Variants in PCDH9 observed in about 807,000 individuals in gnomAD.
PCDH9 encodes the protein protocadherin-9.
PCDH9 carries 24 observed loss-of-function variants against 70.6 expected under a neutral mutation model. The ratio of observed to expected loss-of-function variants is 0.34; its 90% CI spans 0.25 to 0.48. The LOEUF is 0.48. PCDH9 is among the 20% of genes least tolerant of loss of function. The pLI, the probability that PCDH9 is intolerant of heterozygous loss-of-function variation, is 0.99. For synonymous variants in PCDH9, 562 were observed against 558.5 expected, an observed-to-expected ratio of 1.01 and a Z score of -0.09; for missense variants, 1,281 against 1,503.6, an observed-to-expected ratio of 0.85 and a Z score of 2.45.
intron 2 of PCDH9, among the ~76,000 whole-genome samples, chr13:67,175,310 C>T (rs1002177301): frequency 6.6e-6 from 1 of 152,110 alleles, no homozygotes; most frequent in Non-Finnish European, 1.5e-5. Flanking sequence ...AAACTTACTT[C>T]GTTTCTACCC....
At chr13:66,467,355 G>A (rs1389056331) in intron 4 of PCDH9, among the ~76,000 whole-genome samples, 1 of 151,962 alleles carries the variant, frequency 6.6e-6, no homozygotes, top group Non-Finnish European at 1.5e-5. Flanking sequence ...GGTTTCCTGT[G>A]GATTCTTGGA....
At chr13:67,008,530 T>C (rs1159888802) in intron 2 of PCDH9, among the ~76,000 whole-genome samples, 3 of 152,246 alleles carry the variant, frequency 2.0e-5, no homozygotes, top group Non-Finnish European at 1.5e-5. Context: ...ACTTTTTACA[T>C]AGATATCCCT....
chr13:66,482,194 G>A (rs1168289720), intron 4 of PCDH9, among the ~76,000 whole-genome samples: 3 of 152,174 alleles, frequency 2.0e-5, no homozygotes, highest in Non-Finnish European at 2.9e-5. Flanking sequence ...AAGATAGCTG[G>A]AGATAGGAAA....
chr13:66,671,631 G>C (rs1009267483), intron 3 of PCDH9, among the ~76,000 whole-genome samples: 24 of 152,280 alleles, frequency 1.6e-4, no homozygotes, highest in Non-Finnish European at 3.2e-4. Flanking sequence ...TTAGCAAAGA[G>C]ACTGGTGGCA....
At chr13:66,774,330 T>C (rs2079856422) in intron 3 of PCDH9, among the ~76,000 whole-genome samples, 1 of 152,138 alleles carries the variant, frequency 6.6e-6, no homozygotes, top group Admixed American at 6.5e-5. Context: ...TGTCCCTATG[T>C]GAATCACCTT....
At chr13:67,220,867 T>A (rs2089709714) in intron 2 of PCDH9, 1 of 152,096 alleles carries the variant, frequency 6.6e-6, no homozygotes, top group Admixed American at 6.6e-5. Context: ...ATTTTATAGC[T>A]TAGGAATATC....
rs2081458149 is a variant in PCDH9 at position 66,860,140 on chromosome 13, A to G, written c.3138+43364T>C. Among the ~76,000 whole-genome samples the G allele has an allele frequency of 1.3e-5, 2 of 152,308 alleles. 1 individual carries two copies. Among genetic ancestry groups the G allele is most frequent in the South Asian group, 4.1e-4 (2 of 4,822 alleles). On this transcript the variant is annotated intron_variant, in intron 3 of 4. Coordinates refer to ENST00000377865, the MANE Select transcript of PCDH9 (RefSeq NM_203487.3). The stretch of plus-strand genomic sequence containing the variant: ...ACAGTTTATATTTCCAAACAATGCC[A>G]GTGTCCACTCCAGTCTAACAAAGCC...
chr13:66,307,964 G>A (rs184020844), intron 4 of PCDH9, among the ~76,000 whole-genome samples: 76 of 152,150 alleles, frequency 5.0e-4, no homozygotes, highest in African/African-American at 1.7e-3. Context: ...CATTTACTGA[G>A]AATGTACTAT....
chr13:67,190,913 T>A (rs1369888331), intron 2 of PCDH9, among the ~76,000 whole-genome samples: 1 of 152,120 alleles, frequency 6.6e-6, no homozygotes, highest in Non-Finnish European at 1.5e-5. Context: ...TATTGATAAG[T>A]ACACAATGGG....
At chr13:67,087,725 A>G (rs2086137213) in intron 2 of PCDH9, among the ~76,000 whole-genome samples, 1 of 152,104 alleles carries the variant, frequency 6.6e-6, no homozygotes, top group Non-Finnish European at 1.5e-5. Context: ...TTGGATCATC[A>G]TAAGCATTAT....
intron 3 of PCDH9, among the ~76,000 whole-genome samples, chr13:66,886,890 C>T (rs1272957152): frequency 1.3e-5 from 2 of 152,002 alleles, no homozygotes; most frequent in African/African-American, 4.8e-5. Context: ...CTCTGAGATA[C>T]ATATACTTTT....
At position 66,862,889 on chromosome 13, in the gene PCDH9, T is replaced by C. The variant is rs192400978; in HGVS notation, c.3138+40615A>G. Among the ~76,000 whole-genome samples the C allele has an allele frequency of 7.9e-3, 1,210 of 152,236 alleles. 12 individuals are homozygous for C. Among genetic ancestry groups the C allele is most frequent in the African/African-American group, 0.027 (1,130 of 41,554 alleles). On this transcript the variant is annotated intron_variant, in intron 3 of 4. Transcript: ENST00000377865. ...TTTTTTTTAATAACAAAAGAAAAAC[T>C]AAATATTGAAAAATGTATTATATAT...
chr13:67,141,942 G>A (rs1375443179), intron 2 of PCDH9, among the ~76,000 whole-genome samples: 1 of 151,960 alleles, frequency 6.6e-6, no homozygotes, highest in Non-Finnish European at 1.5e-5. Context: ...GTCGGTAAGA[G>A]TCGCTTCTAC....
chr13:66,956,515 G>A (rs994611201), intron 2 of PCDH9, among the ~76,000 whole-genome samples: 1 of 152,176 alleles, frequency 6.6e-6, no homozygotes. Context: ...AATTTGGGAG[G>A]CTGAGGCGGG....
chr13:66,382,029 A>G (rs1956857916), intron 4 of PCDH9, among the ~76,000 whole-genome samples: 1 of 152,138 alleles, frequency 6.6e-6, no homozygotes, highest in African/African-American at 2.4e-5. Context: ...TTATTGTGTA[A>G]AGAGTACAGG....
At chr13:66,931,492 G>C (rs918311733) in intron 2 of PCDH9, among the ~76,000 whole-genome samples, 1 of 152,106 alleles carries the variant, frequency 6.6e-6, no homozygotes, top group Non-Finnish European at 1.5e-5. Context: ...TCAGGAAAAT[G>C]TAAGTGAATG....
At chr13:67,200,214 A>G (rs2089174988) in intron 2 of PCDH9, among the ~76,000 whole-genome samples, 1 of 152,100 alleles carries the variant, frequency 6.6e-6, no homozygotes, top group South Asian at 2.1e-4. Context: ...AAATAAAATA[A>G]TCCACAAACT....
At chr13:67,216,681 A>AATATATATATATATATATATATATAT in intron 2 of PCDH9, 2 of 19,712 alleles carry the variant, frequency 1.0e-4, no homozygotes, top group Non-Finnish European at 1.7e-4. Flanking sequence ...TGTCTTAAGC[A>AATATATATATATATATATATATATAT]ACATATATAT....
chr13:67,225,869 A>G lies in PCDH9; in HGVS notation c.2572T>C (p.Ser858Pro), dbSNP rs773541762. The stretch of plus-strand genomic sequence containing the variant: ...TTTTGCTTGTTCTCCTGGTTTGGGG[A>G]CATCCATTCGGCACCTTGCTTGCTC... Reference protein sequence around the residue: ...QRSKQGAEWMSPNQENKQNKK... With the variant: ...QRSKQGAEWMPPNQENKQNKK... Residue 858 changes from serine (S) to proline (P), a missense_variant, in exon 2 of 5, where the codon TCC (serine) becomes CCC (proline). Physicochemically the swap from Ser to Pro is moderately conservative, Grantham distance 74. Coordinates refer to ENST00000377865, the MANE Select transcript of PCDH9 (RefSeq NM_203487.3). 9 of 1,613,704 alleles carry G rather than the reference A, an allele frequency of 5.6e-6. No individual in the cohort carries two copies. The highest frequency in any genetic ancestry group is 4.0e-5 in the African/African-American group (3 of 74,802).
Sources: gnomAD v4.1 joint callset for allele counts (sites outside exome capture counted in the v4.1 genomes callset) on GRCh38, gnomAD v4.1.1 for gene constraint, MANE v1.5 for transcripts, NCBI Gene and HGNC (gene_info 2026-07-23, HGNC 2026-07-21) for gene names.